Variants in CLSTN2 observed in about 807,000 individuals in gnomAD.
The protein encoded by CLSTN2 is calsyntenin-2.
CLSTN2 carries 48 observed loss-of-function variants against 101.2 expected under a neutral mutation model. The observed-to-expected ratio is 0.47, with a 90% CI of 0.38 to 0.60. The LOEUF is 0.60. CLSTN2 is among the 20% of genes least tolerant of loss of function. The probability of loss-of-function intolerance (pLI) is 0.00; values close to 1 mark genes in which losing one functional copy is unlikely to be tolerated. For synonymous variants in CLSTN2, 481 were observed against 463.6 expected (o/e 1.04, Z -0.48); for missense variants, 1,160 against 1,238.2 (o/e 0.94, Z 0.95).
chr3:140,544,688 G>C (rs947906260), intron 9 of CLSTN2, among the ~76,000 whole-genome samples: 1 of 150,944 alleles, frequency 6.6e-6, no homozygotes, highest in Non-Finnish European at 1.5e-5. Flanking sequence ...ATGTTAAAAT[G>C]AACGTTCTAA....
chr3:140,313,021 G>T (rs951090249), intron 2 of CLSTN2, among the ~76,000 whole-genome samples: 1 of 152,176 alleles, frequency 6.6e-6, no homozygotes, highest in Non-Finnish European at 1.5e-5. Context: ...CAAGGATTCT[G>T]GTGGAGCAAA....
chr3:140,500,751 A>G (rs935773981), intron 8 of CLSTN2, among the ~76,000 whole-genome samples: 25 of 152,146 alleles, frequency 1.6e-4, no homozygotes, highest in African/African-American at 5.8e-4. Flanking sequence ...AACGCATATT[A>G]TACCCACTCA....
chr3:140,499,147 G>A (rs978288845), intron 8 of CLSTN2, among the ~76,000 whole-genome samples: 3 of 152,092 alleles, frequency 2.0e-5, no homozygotes, highest in Non-Finnish European at 4.4e-5. Flanking sequence ...ACTTTCTATG[G>A]TTATAAATTT....
intron 6 of CLSTN2, among the ~76,000 whole-genome samples, chr3:140,458,432 C>T (rs1933470535): frequency 6.6e-6 from 1 of 152,086 alleles, no homozygotes; most frequent in Non-Finnish European, 1.5e-5. Context: ...CCCTCCTTCC[C>T]GTAGTGCTTG....
At chr3:140,038,789 G>A (rs1237136744) in intron 1 of CLSTN2, among the ~76,000 whole-genome samples, 1 of 152,114 alleles carries the variant, frequency 6.6e-6, no homozygotes, top group Admixed American at 6.6e-5. Flanking sequence ...TTGCTACTAA[G>A]ATTTTTCATT....
At chr3:140,098,366 C>G (rs1163080435) in intron 1 of CLSTN2, among the ~76,000 whole-genome samples, 1 of 152,146 alleles carries the variant, frequency 6.6e-6, no homozygotes, top group Non-Finnish European at 1.5e-5. Context: ...CTTTTCCACA[C>G]CATTAAATTT....
intron 2 of CLSTN2, among the ~76,000 whole-genome samples, chr3:140,295,267 G>T (rs375841482): frequency 1.3e-5 from 2 of 151,800 alleles, no homozygotes; most frequent in African/African-American, 4.8e-5. Context: ...TTTTCTTTGC[G>T]CATTTCTTTG....
At chr3:140,119,498 G>A (rs1037337051) in intron 1 of CLSTN2, among the ~76,000 whole-genome samples, 4 of 152,132 alleles carry the variant, frequency 2.6e-5, no homozygotes, top group Admixed American at 6.6e-5. Context: ...TGTATGGGAG[G>A]CAGCAGGGCA....
intron 2 of CLSTN2, among the ~76,000 whole-genome samples, chr3:140,267,515 A>G (rs191404273): frequency 1.1e-3 from 160 of 152,334 alleles, no homozygotes; most frequent in African/African-American, 3.6e-3. Flanking sequence ...TTGCCAAAGC[A>G]AAGAGAGAGA....
intron 4 of CLSTN2, among the ~76,000 whole-genome samples, chr3:140,411,933 G>T (rs538803535): frequency 6.6e-6 from 1 of 152,376 alleles, no homozygotes; most frequent in Admixed American, 6.5e-5. Flanking sequence ...GTGCAGGCTG[G>T]TAGAGAAAAA....
chr3:139,994,514 ATTC>A (rs1221909764), intron 1 of CLSTN2, among the ~76,000 whole-genome samples: 1 of 152,110 alleles, frequency 6.6e-6, no homozygotes, highest in African/African-American at 2.4e-5. Flanking sequence ...TGTCTTTATT[ATTC>A]TTATATGGAG....
At chr3:140,085,572 G>A (rs1307754727) in intron 1 of CLSTN2, among the ~76,000 whole-genome samples, 1 of 152,114 alleles carries the variant, frequency 6.6e-6, no homozygotes, top group Non-Finnish European at 1.5e-5. Flanking sequence ...ATTTACTATG[G>A]CTAGAGAGCT....
intron 2 of CLSTN2, among the ~76,000 whole-genome samples, chr3:140,233,029 A>G (rs986774324): frequency 6.6e-6 from 1 of 152,144 alleles, no homozygotes; most frequent in Non-Finnish European, 1.5e-5. Flanking sequence ...ATGCAGATGT[A>G]ATTTCTTGAT....
At chr3:140,132,310 G>A (rs1270749009) in intron 1 of CLSTN2, among the ~76,000 whole-genome samples, 1 of 152,152 alleles carries the variant, frequency 6.6e-6, no homozygotes, top group Non-Finnish European at 1.5e-5. Context: ...ACATCCATAT[G>A]CACCTTCCTT....
chr3:140,236,008 C>A (rs1165611660), intron 2 of CLSTN2, among the ~76,000 whole-genome samples: 1 of 152,096 alleles, frequency 6.6e-6, no homozygotes, highest in Admixed American at 6.6e-5. Flanking sequence ...TTCCTGCCTG[C>A]AACTCATTCT....
intron 1 of CLSTN2, among the ~76,000 whole-genome samples, chr3:140,029,530 G>A (rs969929350): frequency 3.3e-5 from 5 of 152,132 alleles, no homozygotes; most frequent in Non-Finnish European, 7.3e-5. Context: ...GAGATCTGAA[G>A]TCATTTCTTA....
chr3:140,192,499 A>T (rs2010582253), intron 2 of CLSTN2, among the ~76,000 whole-genome samples: 1 of 151,846 alleles, frequency 6.6e-6, no homozygotes, highest in Admixed American at 6.6e-5. Flanking sequence ...ATACACATTG[A>T]GAATTGCTGT....
intron 8 of CLSTN2, among the ~76,000 whole-genome samples, chr3:140,493,228 G>T (rs1377567369): frequency 6.6e-6 from 1 of 152,114 alleles, no homozygotes; most frequent in Non-Finnish European, 1.5e-5. Context: ...AGACACTTCG[G>T]GATGAAAATG....
At chr3:140,458,222 G>A (rs1933453751) in intron 6 of CLSTN2, among the ~76,000 whole-genome samples, 1 of 149,710 alleles carries the variant, frequency 6.7e-6, no homozygotes. Context: ...TAGGTGAGAT[G>A]AGGCTCTGAT....
Sources: gnomAD v4.1 joint callset for allele counts (sites outside exome capture counted in the v4.1 genomes callset) on GRCh38, gnomAD v4.1.1 for gene constraint, MANE v1.5 for transcripts, NCBI Gene and HGNC (gene_info 2026-07-23, HGNC 2026-07-21) for gene names.